Variants in ITGAL observed in about 807,000 individuals in gnomAD.
ITGAL encodes the protein integrin alpha-L.
In ITGAL, 68 loss-of-function variants were observed where a neutral mutation model predicts 138.4. That is an observed-to-expected ratio of 0.49 (90% CI 0.40 to 0.60). ITGAL has a LOEUF of 0.60. Among genes scored for constraint, ITGAL ranks in the 20% least tolerant of loss-of-function variants. ITGAL has a pLI of 0.00. For synonymous variants in ITGAL, 561 were observed against 584.3 expected, an observed-to-expected ratio of 0.96 and a Z score of 0.57; for missense variants, 1,256 against 1,478.6, an observed-to-expected ratio of 0.85 and a Z score of 2.47.
chr16:30,521,655 G>T lies in ITGAL; in HGVS notation c.3503G>T (p.Gly1168Val). ...LHEKDSESGGGKD is the reference protein window; with the variant it reads ...LHEKDSESGGVKD The stretch of plus-strand genomic sequence containing the variant: ...GAGAAGGACTCTGAGAGTGGTGGTG[G>T]CAAGGACTGAGTCCAGGCCTGTGAG... Residue 1168 changes from glycine to valine, a missense_variant, in exon 31 of 31, where the codon GGC (glycine) becomes GTC (valine). Gly to Val is a moderately radical substitution (Grantham distance 109, BLOSUM62 -3). This residue lies in a region of ITGAL where 867 missense variants were observed against 972.5 expected (regional missense o/e 0.89). Coordinates refer to ENST00000356798, the MANE Select transcript of ITGAL (RefSeq NM_002209.3). The T allele has an allele frequency of 6.2e-7, 1 of 1,613,756 alleles. No individual in the cohort carries two copies. Among genetic ancestry groups the T allele is most frequent in the Non-Finnish European group, 8.5e-7 (1 of 1,179,986 alleles).
At chr16:30,502,060 G>C (rs1056737827) in intron 17 of ITGAL, among the ~76,000 whole-genome samples, 7 of 151,816 alleles carry the variant, frequency 4.6e-5, no homozygotes, top group African/African-American at 7.3e-5. Context: ...AACAACTGTT[G>C]AAATACCCAG....
Position 30,518,701 on chromosome 16 carries a change from C to T in ITGAL, c.3210C>T (p.Ser1070=). ...NSSKHFHLYG[S]NASLAQVVMK... ...GCAAGCATTTCCACCTCTATGGCAGCAACGCCTCCCTGGCCCAGGTATCTC... is the reference window on the plus strand; with the variant it reads ...GCAAGCATTTCCACCTCTATGGCAGTAACGCCTCCCTGGCCCAGGTATCTC... The change falls in exon 29 of 31, where the codon AGC becomes AGT. Residue 1070 remains serine, a synonymous_variant. Coordinates refer to ENST00000356798, the MANE Select transcript of ITGAL (RefSeq NM_002209.3). 1.2e-6 allele frequency: 2 copies of T among 1,613,164 alleles called. No individual in the cohort carries two copies. The highest frequency in any genetic ancestry group is 1.7e-6 in the Non-Finnish European group (2 of 1,179,136).
intron 11 of ITGAL, among the ~76,000 whole-genome samples, chr16:30,491,259 G>GA (rs1249134018): frequency 6.6e-6 from 1 of 151,626 alleles, no homozygotes; most frequent in Non-Finnish European, 1.5e-5. Context: ...AAATTAGCCA[G>GA]GCATGGTGGC....
chr16:30,495,470 A>C (rs1358558770), intron 13 of ITGAL, among the ~76,000 whole-genome samples: 3 of 152,082 alleles, frequency 2.0e-5, no homozygotes, highest in African/African-American at 7.2e-5. Flanking sequence ...GCAGCGCCAA[A>C]CTTTTTATAG....
intron 24 of ITGAL, among the ~76,000 whole-genome samples, chr16:30,513,265 G>A (rs2051116150): frequency 6.6e-6 from 1 of 152,184 alleles, no homozygotes; most frequent in Non-Finnish European, 1.5e-5. Context: ...GATTAGCCAA[G>A]GGCAGGTGTG....
At chr16:30,476,234 G>C (rs1299125365) in intron 4 of ITGAL, among the ~76,000 whole-genome samples, 1 of 151,400 alleles carries the variant, frequency 6.6e-6, no homozygotes, top group African/African-American at 2.4e-5. Flanking sequence ...CTGGGCGGCA[G>C]AGTGAAATTC....
chr16:30,478,425 G>A (rs1337813529), intron 4 of ITGAL, among the ~76,000 whole-genome samples: 1 of 151,530 alleles, frequency 6.6e-6, no homozygotes, highest in South Asian at 2.1e-4. Flanking sequence ...ATGGCCGGGC[G>A]CGGTGGCTCA....
intron 30 of ITGAL, among the ~76,000 whole-genome samples, chr16:30,521,125 C>T (rs1033392675): frequency 1.3e-5 from 2 of 151,384 alleles, no homozygotes; most frequent in Non-Finnish European, 2.9e-5. Flanking sequence ...AAAGTGTTCT[C>T]GCTGGGCTCG....
chr16:30,476,825 G>C (rs1046014833), intron 4 of ITGAL, among the ~76,000 whole-genome samples: 1 of 152,056 alleles, frequency 6.6e-6, no homozygotes, highest in African/African-American at 2.4e-5. Context: ...GTAGAGATGG[G>C]GTTTCGCCAT....
intron 11 of ITGAL, among the ~76,000 whole-genome samples, chr16:30,489,604 T>C (rs540209782): frequency 6.6e-6 from 1 of 152,266 alleles, no homozygotes; most frequent in African/African-American, 2.4e-5. Flanking sequence ...TCTCCCAGGG[T>C]AGGCAAATTC....
At chr16:30,475,448 T>C (rs368003280) in intron 3 of ITGAL, 48 bp downstream of exon 3, 3 of 1,598,548 alleles carry the variant, frequency 1.9e-6, no homozygotes, top group African/African-American at 2.7e-5. Flanking sequence ...TTGGGGAAAC[T>C]GAGGCTGGCC....
rs1478568921 is a variant in ITGAL, at chr16:30,479,411, C to G, written c.526C>G (p.Leu176Val). 1 of 1,614,062 alleles carries G rather than the reference C, an allele frequency of 6.2e-7. No individual in the cohort carries two copies. Among genetic ancestry groups the G allele is most frequent in the Non-Finnish European group, 8.5e-7 (1 of 1,179,996 alleles). ...GCAGCCAGATGAATTTCAGAAAATT[C>G]TGGACTTCATGAAGGATGTGATGAA... is the stretch of plus-strand genomic sequence containing the variant. Reference protein sequence around the residue: ...SLQPDEFQKILDFMKDVMKKL... With the variant: ...SLQPDEFQKIVDFMKDVMKKL... Residue 176 changes from leucine (L) to valine (V), a missense_variant, in exon 6 of 31, where the codon CTG becomes GTG. Physicochemically the swap from Leu to Val is conservative, Grantham distance 32. This residue lies in a region of ITGAL where 177 missense variants were observed against 288.8 expected (regional missense o/e 0.61). Coordinates refer to ENST00000356798, the MANE Select transcript of ITGAL (RefSeq NM_002209.3).
At position 30,481,434 on chromosome 16, in the gene ITGAL, T is replaced by C; in HGVS notation, c.577-5T>C. The C allele has an allele frequency of 6.2e-7, 1 of 1,609,428 alleles. No individual in the cohort carries two copies. Among genetic ancestry groups the C allele is most frequent in the Non-Finnish European group, 8.5e-7 (1 of 1,177,282 alleles). On this transcript the variant is annotated splice_region_variant and splice_polypyrimidine_tract_variant and intron_variant, in intron 6 of 30. Coordinates refer to ENST00000356798, the MANE Select transcript of ITGAL (RefSeq NM_002209.3). The stretch of plus-strand genomic sequence containing the variant: ...CTGAATGTCATTTCTTCCTTCCTTT[T>C]CTAGTTTGCTGCTGTTCAGTTTTCC...
chr16:30,485,678 ATT>A (rs60648321), intron 9 of ITGAL, among the ~76,000 whole-genome samples: 87,320 of 141,240 alleles, frequency 0.62, 27,136 homozygotes, highest in East Asian at 0.98. Context: ...CACCTGGCTA[ATT>A]TTTTTTTTTT....
intron 17 of ITGAL, among the ~76,000 whole-genome samples, chr16:30,500,926 C>T (rs1055284124): frequency 2.0e-5 from 3 of 152,038 alleles, no homozygotes; most frequent in Non-Finnish European, 4.4e-5. Flanking sequence ...ATTGCTTGAA[C>T]CCAGGAGGCA....
At position 30,522,482 on chromosome 16, in the gene ITGAL, T is replaced by G. The variant is rs2051268189; in HGVS notation, c.*817T>G. The G allele has an allele frequency of 6.6e-6, 1 of 152,262 alleles. No individual in the cohort carries two copies. 9.4% of individuals were successfully genotyped at this position (152,262 alleles called of 1,614,324 possible). A position where few individuals can be genotyped will look rare whatever the true frequency, so the allele number is the denominator to read the frequency against. On this transcript the variant is annotated 3_prime_UTR_variant, in exon 31 of 31. Transcript: ENST00000356798. This position sits in a 1 kb window ranked among gnomAD's most constrained non-coding sequence, Gnocchi z 4.0. Reference sequence around the variant, plus strand: ...TTTCTTCATCCGGCAGCCTGGATGTTTTTTCCCTGTTTAATGATTGACGTA... The same window carrying G: ...TTTCTTCATCCGGCAGCCTGGATGTGTTTTCCCTGTTTAATGATTGACGTA...
At chr16:30,482,560 T>C (rs11150590) in intron 7 of ITGAL, among the ~76,000 whole-genome samples, 86,025 of 151,876 alleles carry the variant, frequency 0.57, 26,840 homozygotes, top group East Asian at 0.99. Context: ...CGGGTGGAAG[T>C]GATAGGGCCA....
chr16:30,505,798 G>A (rs893219631), intron 20 of ITGAL, among the ~76,000 whole-genome samples: 2 of 152,128 alleles, frequency 1.3e-5, no homozygotes, highest in Non-Finnish European at 2.9e-5. Flanking sequence ...GCAGAGGATG[G>A]CTTGAGCCAG....
chr16:30,487,142 C>CAAAAAA (rs1165678423), intron 9 of ITGAL, among the ~76,000 whole-genome samples: 1 of 42,950 alleles, frequency 2.3e-5, no homozygotes, highest in Non-Finnish European at 4.9e-5. Context: ...GACTCCGTCT[C>CAAAAAA]AAAAAAAAAA....
Sources: gnomAD v4.1 joint callset for allele counts (sites outside exome capture counted in the v4.1 genomes callset) on GRCh38, gnomAD v4.1.1 for gene constraint, gnomAD v4.1.1 regional missense constraint, Gnocchi (gnomAD v3.1) non-coding constraint, MANE v1.5 for transcripts, NCBI Gene and HGNC (gene_info 2026-07-23, HGNC 2026-07-21) for gene names.